ASCC3: variants seen among roughly 807,000 people sequenced by gnomAD.
ASCC3 encodes the protein activating signal cointegrator 1 complex subunit 3, also known as ASC-1 complex subunit P200.
ASCC3 carries 158 observed loss-of-function variants against 256.3 expected under a neutral mutation model. The ratio of observed to expected loss-of-function variants is 0.62; its 90% CI spans 0.54 to 0.70. The LOEUF is 0.70. Among genes scored for constraint, ASCC3 ranks in the 30% least tolerant of loss-of-function variants. The probability of loss-of-function intolerance (pLI) is 0.00; values close to 1 mark genes in which losing one functional copy is unlikely to be tolerated. For missense variants in ASCC3, 2,259 were observed against 2,626.0 expected (o/e 0.86, Z 3.05); for synonymous variants, 948 against 883.4 (o/e 1.07, Z -1.30).
At chr6:100,580,098 G>T (rs1771129305) in intron 36 of ASCC3, among the ~76,000 whole-genome samples, 1 of 151,948 alleles carries the variant, frequency 6.6e-6, no homozygotes, top group Non-Finnish European at 1.5e-5. Flanking sequence ...ATTGTGAATG[G>T]GATTGCATTC....
chr6:100,651,914 C>G (rs1306249269), intron 18 of ASCC3, among the ~76,000 whole-genome samples: 1 of 151,928 alleles, frequency 6.6e-6, no homozygotes, highest in African/African-American at 2.4e-5. Flanking sequence ...AACATCTACA[C>G]TAGATACCTT....
intron 1 of ASCC3, among the ~76,000 whole-genome samples, chr6:100,876,285 G>A (rs781680065): frequency 6.6e-6 from 1 of 152,180 alleles, no homozygotes; most frequent in Non-Finnish European, 1.5e-5. Flanking sequence ...TGCTAAGACT[G>A]TTCAAACAGG....
chr6:100,807,754 A>G (rs755598696), intron 4 of ASCC3, among the ~76,000 whole-genome samples: 4 of 151,592 alleles, frequency 2.6e-5, no homozygotes, highest in Admixed American at 6.6e-5. Context: ...TGTAAATTTC[A>G]TATCATGAGT....
intron 4 of ASCC3, among the ~76,000 whole-genome samples, chr6:100,810,414 A>G (rs552866754): frequency 6.6e-6 from 1 of 152,200 alleles, no homozygotes; most frequent in East Asian, 1.9e-4. Flanking sequence ...AGGAAACTTT[A>G]CTCTTTGTTT....
At chr6:100,739,027 A>AG (rs1294965496) in intron 10 of ASCC3, among the ~76,000 whole-genome samples, 1 of 152,178 alleles carries the variant, frequency 6.6e-6, no homozygotes. Flanking sequence ...CTGGTTTTCA[A>AG]GGGGAATGCT....
At chr6:100,510,501 A>G (rs952857343) in intron 40 of ASCC3, among the ~76,000 whole-genome samples, 2 of 152,178 alleles carry the variant, frequency 1.3e-5, no homozygotes, top group Non-Finnish European at 2.9e-5. Context: ...CTTATTCACC[A>G]AAAACGAATG....
At chr6:100,875,172 A>G (rs1003531974) in intron 1 of ASCC3, among the ~76,000 whole-genome samples, 2 of 151,762 alleles carry the variant, frequency 1.3e-5, no homozygotes, top group Admixed American at 6.6e-5. Context: ...GGATAGAATT[A>G]AGCCAGGGAA....
chr6:100,662,090 A>T (rs1776248588), intron 15 of ASCC3, 60 bp from the exon 16 acceptor site: 1 of 1,486,408 alleles, frequency 6.7e-7, no homozygotes, highest in East Asian at 2.3e-5. Context: ...ATCCTGATGA[A>T]CTGAATACTG....
intron 39 of ASCC3, among the ~76,000 whole-genome samples, 183 bp downstream of exon 39, chr6:100,515,997 T>C (rs2114610081): frequency 6.6e-6 from 1 of 152,312 alleles, no homozygotes; most frequent in African/African-American, 2.4e-5. Context: ...AGTATCTTCC[T>C]TAATTTTCAC....
Position 100,718,174 on chromosome 6 carries a change from A to G in ASCC3, c.1980T>C (p.Phe660=). Residue 660 remains phenylalanine (F), a synonymous_variant, in exon 12 of 42, where the codon TTT becomes TTC. Coordinates refer to ENST00000369162, the MANE Select transcript of ASCC3 (RefSeq NM_006828.4). The part of the protein sequence containing the change: ...TLPNYLDVAT[F]LHVNPYIGLF... ...GTCCAATGTATGGATTAACATGTAA[A>G]AATGTGGCAACATCGAGGTAGTTAG... The G allele has an allele frequency of 6.2e-7, 1 of 1,613,746 alleles. No homozygotes were observed. Among genetic ancestry groups the G allele is most frequent in the Non-Finnish European group, 8.5e-7 (1 of 1,179,780 alleles).
chr6:100,789,255 G>A (rs1198676969), intron 8 of ASCC3, among the ~76,000 whole-genome samples: 1 of 151,862 alleles, frequency 6.6e-6, no homozygotes, highest in African/African-American at 2.4e-5. Flanking sequence ...CATGAGATCT[G>A]AAGCTCAGAG....
rs998319428 is a variant in ASCC3 at position 100,800,498 on chromosome 6, C to T, written c.929G>A (p.Cys310Tyr). Residue 310 changes from cysteine (C) to tyrosine (Y), a missense_variant, in exon 6 of 42, where the codon TGT becomes TAT. Transcript: ENST00000369162. ...DHRFQALQDNCKKILGENAKP... is the reference protein window; with the variant it reads ...DHRFQALQDNYKKILGENAKP... The stretch of plus-strand genomic sequence containing the variant: ...AGCATTTTCTCCTAAAATTTTTTTA[C>T]AATTGTCTAAGAAGCAAATTTAAGA... 1 of 1,605,292 alleles carries T rather than the reference C, an allele frequency of 6.2e-7. No homozygotes were observed. The highest frequency in any genetic ancestry group is 8.5e-7 in the Non-Finnish European group (1 of 1,174,762).
intron 37 of ASCC3, chr6:100,531,108 T>C: frequency 8.1e-6 from 9 of 1,116,836 alleles, no homozygotes; most frequent in East Asian, 2.4e-5. Flanking sequence ...CAACAGAAAA[T>C]TGCACAATTT....
intron 36 of ASCC3, among the ~76,000 whole-genome samples, chr6:100,569,102 TAC>T (rs1770445847): frequency 6.6e-6 from 1 of 152,126 alleles, no homozygotes; most frequent in Non-Finnish European, 1.5e-5. Context: ...CTAGGATTCT[TAC>T]AGTTTGAAGT....
intron 24 of ASCC3, among the ~76,000 whole-genome samples, chr6:100,640,489 C>T (rs1775070258): frequency 6.6e-6 from 1 of 152,102 alleles, no homozygotes; most frequent in African/African-American, 2.4e-5. Flanking sequence ...CATTCTTGGT[C>T]ATTTGGCAGA....
intron 10 of ASCC3, among the ~76,000 whole-genome samples, chr6:100,729,091 A>G (rs1010490075): frequency 1.3e-5 from 2 of 152,176 alleles, no homozygotes; most frequent in Admixed American, 1.3e-4. Context: ...TAATACAACT[A>G]TGGATGTCTG....
At chr6:100,846,879 T>C (rs1330357842) in intron 4 of ASCC3, among the ~76,000 whole-genome samples, 1 of 149,210 alleles carries the variant, frequency 6.7e-6, no homozygotes, top group East Asian at 2.0e-4. Flanking sequence ...TACAGTTACT[T>C]GTTGACATGT....
intron 37 of ASCC3, among the ~76,000 whole-genome samples, chr6:100,537,868 G>A (rs778551426): frequency 1.1e-4 from 16 of 150,258 alleles, no homozygotes; most frequent in Non-Finnish European, 1.9e-4. Context: ...TATTATCCCA[G>A]ACACTGTATA....
chr6:100,515,706 G>A (rs1216108346), intron 39 of ASCC3, among the ~76,000 whole-genome samples: 2 of 152,094 alleles, frequency 1.3e-5, no homozygotes, highest in Non-Finnish European at 2.9e-5. Flanking sequence ...TATAATAAGA[G>A]AGGGGCATAA....
Sources: gnomAD v4.1 joint callset for allele counts (sites outside exome capture counted in the v4.1 genomes callset) on GRCh38, gnomAD v4.1.1 for gene constraint, MANE v1.5 for transcripts, NCBI Gene and HGNC (gene_info 2026-07-23, HGNC 2026-07-21) for gene names.